The following QTGAL variants were observed in gnomAD, a reference collection of about 807,000 sequenced individuals.
The protein encoded by QTGAL is BGnT-like protein 1.
the QTGAL span, among the ~76,000 whole-genome samples, chr17:82,970,670 A>ACCTCCGCACACG: frequency 1.8e-4 from 18 of 97,390 alleles, 2 homozygotes; most frequent in African/African-American, 7.7e-4. Context: ...CTCCGCACCC[A>ACCTCCGCACACG]GCGTGGCCGT....
the QTGAL span, among the ~76,000 whole-genome samples, chr17:83,033,665 G>T: frequency 6.6e-6 from 1 of 151,810 alleles, no homozygotes; most frequent in African/African-American, 2.4e-5. Context: ...TAGAGACGGG[G>T]TTTCACCGTG....
At chr17:82,976,166 A>G in the QTGAL span, among the ~76,000 whole-genome samples, 3 of 29,310 alleles carry the variant, frequency 1.0e-4, no homozygotes, top group African/African-American at 5.6e-4. Context: ...GGACAGAGCC[A>G]GACTCCATCC....
chr17:83,023,691 C>T, the QTGAL span, among the ~76,000 whole-genome samples: 4 of 152,190 alleles, frequency 2.6e-5, no homozygotes, highest in South Asian at 2.1e-4. Context: ...AGACAAAGCA[C>T]GTGGCCTCGT....
chr17:82,983,211 C>A, the QTGAL span, among the ~76,000 whole-genome samples: 1 of 152,060 alleles, frequency 6.6e-6, no homozygotes, highest in Non-Finnish European at 1.5e-5. Context: ...ACCCAGAAGG[C>A]GGAGGTTGCA....
chr17:83,043,216 A>G, the QTGAL span, among the ~76,000 whole-genome samples: 1 of 152,246 alleles, frequency 6.6e-6, no homozygotes, highest in Admixed American at 6.5e-5. Context: ...CAGCAGCAGA[A>G]CACACATTCT....
the QTGAL span, among the ~76,000 whole-genome samples, chr17:82,984,066 A>C: frequency 8.6e-3 from 1,152 of 133,530 alleles, 24 homozygotes; most frequent in African/African-American, 0.031. Context: ...CCATATGATC[A>C]CGCAGGGGAG....
chr17:82,955,753 G>T, the QTGAL span, among the ~76,000 whole-genome samples: 1 of 152,114 alleles, frequency 6.6e-6, no homozygotes, highest in Non-Finnish European at 1.5e-5. Flanking sequence ...CAACCCAAAT[G>T]CCCATCAATG....
At chr17:82,977,410 C>G in the QTGAL span, among the ~76,000 whole-genome samples, 1 of 152,192 alleles carries the variant, frequency 6.6e-6, no homozygotes, top group South Asian at 2.1e-4. Context: ...CGAAAGACTC[C>G]GGGTGCTCAG....
the QTGAL span, among the ~76,000 whole-genome samples, chr17:82,997,333 A>C: frequency 0.29 from 44,569 of 152,102 alleles, 7,396 homozygotes; most frequent in East Asian, 0.39. Flanking sequence ...TAAAACATAC[A>C]ATTTTTCTCA....
At chr17:83,043,351 A>G in the QTGAL span, among the ~76,000 whole-genome samples, 1 of 152,224 alleles carries the variant, frequency 6.6e-6, no homozygotes, top group African/African-American at 2.4e-5. Context: ...ATGAAACTAG[A>G]AATAAGTAAC....
chr17:82,995,601 T>C, the QTGAL span, among the ~76,000 whole-genome samples: 1 of 152,216 alleles, frequency 6.6e-6, no homozygotes. Context: ...CCAGGATGGG[T>C]CTCGATCTCC....
chr17:83,027,986 C>T, the QTGAL span, among the ~76,000 whole-genome samples: 1 of 152,062 alleles, frequency 6.6e-6, no homozygotes, highest in South Asian at 2.1e-4. Flanking sequence ...TGGTGGTATG[C>T]ACCTGTAGTC....
chr17:82,957,086 G>T, the QTGAL span: 14 of 1,534,198 alleles, frequency 9.1e-6, no homozygotes, highest in African/African-American at 1.1e-4. Context: ...CACGGCCCAG[G>T]TGGACTCTGC....
At chr17:82,974,907 T>G in the QTGAL span, among the ~76,000 whole-genome samples, 1 of 146,256 alleles carries the variant, frequency 6.8e-6, no homozygotes, top group African/African-American at 2.6e-5. Context: ...GGAGGCCACT[T>G]ATGGGGAACC....
chr17:82,967,003 G>A, the QTGAL span, among the ~76,000 whole-genome samples: 1 of 152,208 alleles, frequency 6.6e-6, no homozygotes, highest in South Asian at 2.1e-4. Flanking sequence ...GTTAAAGATG[G>A]GAGAAGGGCT....
the QTGAL span, among the ~76,000 whole-genome samples, chr17:83,024,997 C>G: frequency 6.6e-6 from 1 of 152,224 alleles, no homozygotes; most frequent in Non-Finnish European, 1.5e-5. Flanking sequence ...GTCGTGGGAC[C>G]TAGTCAAAGG....
At chr17:83,035,071 G>A in the QTGAL span, 3 of 1,612,752 alleles carry the variant, frequency 1.9e-6, no homozygotes, top group Non-Finnish European at 2.5e-6. Context: ...CTGAGCTCTG[G>A]GCAACTGCTT....
At chr17:82,950,989 C>T in the QTGAL span, among the ~76,000 whole-genome samples, 1 of 152,136 alleles carries the variant, frequency 6.6e-6, no homozygotes, top group African/African-American at 2.4e-5. Flanking sequence ...TCAACTTAAC[C>T]CATTTATGGC....
chr17:82,976,556 C>T, the QTGAL span, among the ~76,000 whole-genome samples: 1 of 99,568 alleles, frequency 1.0e-5, no homozygotes, highest in African/African-American at 5.3e-5. Context: ...TCCCAGGGGC[C>T]GGAGGCCACT....
Sources: allele counts gnomAD v4.1 joint callset (sites outside exome capture counted in the v4.1 genomes callset), GRCh38; gene constraint gnomAD v4.1.1; transcripts MANE v1.5; gene names NCBI Gene and HGNC (gene_info 2026-07-23, HGNC 2026-07-21).